MAD1L1: variants seen among roughly 807,000 people sequenced by gnomAD.
The protein encoded by MAD1L1 is mitotic spindle assembly checkpoint protein MAD1.
MAD1L1 carries 95 observed loss-of-function variants against 96.9 expected under a neutral mutation model. The observed-to-expected ratio is 0.98, with a 90% CI of 0.83 to 1.16. MAD1L1 has a LOEUF of 1.16. MAD1L1 is among the 50% of genes most tolerant of loss of function. The probability of loss-of-function intolerance (pLI) is 0.00; values close to 1 mark genes in which losing one functional copy is unlikely to be tolerated. For missense variants in MAD1L1, 1,007 were observed against 954.4 expected, an observed-to-expected ratio of 1.06 and a Z score of -0.73; for synonymous variants, 473 against 396.6, an observed-to-expected ratio of 1.19 and a Z score of -2.29.
chr7:1,986,313 C>T (rs112184434), intron 14 of MAD1L1, among the ~76,000 whole-genome samples: 1 of 151,584 alleles, frequency 6.6e-6, no homozygotes, highest in African/African-American at 2.4e-5. Flanking sequence ...CCAACCTCTG[C>T]TGCAGCTTGG....
At chr7:2,069,626 C>T (rs1785033275) in intron 11 of MAD1L1, among the ~76,000 whole-genome samples, 4 of 152,358 alleles carry the variant, frequency 2.6e-5, no homozygotes, top group East Asian at 1.9e-4. Flanking sequence ...CTTCAGGAGA[C>T]GGGACTTCTG....
At chr7:1,830,573 A>G (rs112668516) in intron 18 of MAD1L1, among the ~76,000 whole-genome samples, 1 of 152,244 alleles carries the variant, frequency 6.6e-6, no homozygotes, top group East Asian at 1.9e-4. Context: ...AAAACAAAGT[A>G]TTGTGGGGTT....
intron 15 of MAD1L1, among the ~76,000 whole-genome samples, chr7:1,973,204 G>C (rs1022894062): frequency 1.3e-5 from 2 of 152,176 alleles, no homozygotes; most frequent in African/African-American, 4.8e-5. Flanking sequence ...TGGAGGCTGA[G>C]GTGTGAGTTC....
chr7:1,914,535 C>T (rs1193938981), intron 17 of MAD1L1, among the ~76,000 whole-genome samples: 1 of 152,234 alleles, frequency 6.6e-6, no homozygotes, highest in Admixed American at 6.5e-5. Flanking sequence ...GCCTCTGAAA[C>T]GAACCGGCCC....
intron 18 of MAD1L1, among the ~76,000 whole-genome samples, chr7:1,865,115 G>C (rs1784718005): frequency 6.6e-6 from 1 of 152,172 alleles, no homozygotes; most frequent in Non-Finnish European, 1.5e-5. Flanking sequence ...CCTGTCCAGA[G>C]CAGGTGACCA....
At chr7:2,148,871 AG>A (rs911682384) in intron 11 of MAD1L1, among the ~76,000 whole-genome samples, 4 of 152,180 alleles carry the variant, frequency 2.6e-5, no homozygotes, top group African/African-American at 9.7e-5. Context: ...TGATCCAAGG[AG>A]GGACCCCACA....
chr7:2,041,836 G>C (rs1007609117), intron 12 of MAD1L1, among the ~76,000 whole-genome samples: 59 of 152,130 alleles, frequency 3.9e-4, no homozygotes, highest in Non-Finnish European at 6.6e-4. Context: ...AGCCCACAGG[G>C]GGGAGGGATA....
intron 11 of MAD1L1, among the ~76,000 whole-genome samples, chr7:2,141,857 G>A (rs1003855985): frequency 7.9e-5 from 12 of 152,330 alleles, no homozygotes; most frequent in Admixed American, 2.6e-4. Context: ...GACAGGTGCC[G>A]CCAAGTCCTC....
At chr7:2,197,279 C>T (rs889002542) in intron 10 of MAD1L1, among the ~76,000 whole-genome samples, 1 of 152,198 alleles carries the variant, frequency 6.6e-6, no homozygotes, top group African/African-American at 2.4e-5. Flanking sequence ...TCAGGAGCCA[C>T]GCTTGACCTA....
intron 11 of MAD1L1, among the ~76,000 whole-genome samples, chr7:2,075,507 C>T (rs1206944017): frequency 2.0e-5 from 3 of 152,142 alleles, no homozygotes; most frequent in Non-Finnish European, 4.4e-5. Flanking sequence ...TTGGACTGAA[C>T]TCTGAGGTCA....
chr7:2,123,406 C>T (rs528933505), intron 11 of MAD1L1, among the ~76,000 whole-genome samples: 1 of 152,160 alleles, frequency 6.6e-6, no homozygotes, highest in South Asian at 2.1e-4. Flanking sequence ...TCCCAGCAAG[C>T]GAAACTGGGC....
chr7:2,031,603 C>T (rs562716292), intron 12 of MAD1L1, among the ~76,000 whole-genome samples: 27 of 152,360 alleles, frequency 1.8e-4, no homozygotes, highest in African/African-American at 6.3e-4. Context: ...CTCACACCTG[C>T]GCTATGACGA....
intron 18 of MAD1L1, among the ~76,000 whole-genome samples, chr7:1,875,189 A>T (rs1785318310): frequency 6.6e-6 from 1 of 151,920 alleles, no homozygotes; most frequent in African/African-American, 2.4e-5. Flanking sequence ...GACCCTTCAG[A>T]CTCAGCTGTT....
intron 18 of MAD1L1, among the ~76,000 whole-genome samples, chr7:1,822,367 T>C (rs959636287): frequency 2.4e-4 from 37 of 151,514 alleles, no homozygotes; most frequent in African/African-American, 8.7e-4. Flanking sequence ...GGAAGACTTA[T>C]AGTAAATCAA....
At chr7:2,128,103 C>A (rs1391849756) in intron 11 of MAD1L1, among the ~76,000 whole-genome samples, 6 of 152,232 alleles carry the variant, frequency 3.9e-5, no homozygotes, top group African/African-American at 7.2e-5. Flanking sequence ...GGTCCGGCCT[C>A]ATCCCCTGTT....
intron 10 of MAD1L1, among the ~76,000 whole-genome samples, chr7:2,158,512 G>A (rs992568613): frequency 1.3e-5 from 2 of 152,242 alleles, no homozygotes; most frequent in African/African-American, 4.8e-5. Flanking sequence ...GCGGAAGGCA[G>A]GGAACACAAC....
At chr7:2,061,640 C>A (rs550520928) in intron 12 of MAD1L1, among the ~76,000 whole-genome samples, 8 of 152,250 alleles carry the variant, frequency 5.3e-5, no homozygotes, top group Non-Finnish European at 1.0e-4. Flanking sequence ...CGGGAACTGA[C>A]CCTATGCCAC....
chr7:2,192,560 A>C (rs1232984175), intron 10 of MAD1L1, among the ~76,000 whole-genome samples: 1 of 152,162 alleles, frequency 6.6e-6, no homozygotes, highest in Non-Finnish European at 1.5e-5. Flanking sequence ...CAGCCACCTA[A>C]GCCGGTAAAG....
At chr7:1,930,597 A>G (rs1239694110) in intron 17 of MAD1L1, among the ~76,000 whole-genome samples, 1 of 114,262 alleles carries the variant, frequency 8.8e-6, no homozygotes, top group African/African-American at 3.6e-5. Flanking sequence ...CGCCCACCCC[A>G]CTGCCACGTG....
Sources: allele counts gnomAD v4.1 joint callset (sites outside exome capture counted in the v4.1 genomes callset), GRCh38; gene constraint gnomAD v4.1.1; transcripts MANE v1.5; gene names NCBI Gene and HGNC (gene_info 2026-07-23, HGNC 2026-07-21).